The following GPM6A variants were observed in gnomAD, a reference collection of about 807,000 sequenced individuals.
GPM6A encodes neuronal membrane glycoprotein M6-a.
Under a neutral mutation model 32.1 loss-of-function variants are expected in GPM6A, and 7 were observed. The observed-to-expected ratio is 0.22, with a 90% confidence interval of 0.12 to 0.41. The LOEUF is 0.41. Ranked by LOEUF, GPM6A falls within the 10% of genes least tolerant of loss-of-function variation. The pLI, the probability that GPM6A is intolerant of heterozygous loss-of-function variation, is 1.00. For synonymous variants in GPM6A, 130 were observed against 123.4 expected, an observed-to-expected ratio of 1.05 and a Z score of -0.35; for missense variants, 235 against 347.2, an observed-to-expected ratio of 0.68 and a Z score of 2.57.
intron 1 of GPM6A, among the ~76,000 whole-genome samples, chr4:175,779,974 G>A (rs1733551633): frequency 1.3e-5 from 2 of 151,560 alleles, no homozygotes; most frequent in Non-Finnish European, 2.9e-5. Context: ...GTAACTCGGA[G>A]GTAGCAGTAT....
intron 1 of GPM6A, among the ~76,000 whole-genome samples, chr4:175,834,011 C>T (rs1735691194): frequency 6.6e-6 from 1 of 151,998 alleles, no homozygotes; most frequent in Non-Finnish European, 1.5e-5. Context: ...AAAAGTTGGT[C>T]CTATTAGGTT....
intron 1 of GPM6A, among the ~76,000 whole-genome samples, chr4:175,991,071 C>T (rs1579691790): frequency 7.2e-6 from 1 of 138,694 alleles, no homozygotes. Flanking sequence ...CTTTATCTTT[C>T]TTTCTTTTTT....
chr4:175,936,136 T>C (rs1323682870), intron 1 of GPM6A, among the ~76,000 whole-genome samples: 1 of 151,044 alleles, frequency 6.6e-6, no homozygotes, highest in African/African-American at 2.4e-5. Context: ...AAACCCCGTC[T>C]CTACTAAAAA....
At chr4:175,816,347 T>C (rs1735099764), upstream of GPM6A, among the ~76,000 whole-genome samples, 2 of 152,252 alleles carry the variant, frequency 1.3e-5, no homozygotes, top group African/African-American at 4.8e-5. Context: ...AAAACCATTA[T>C]AATTCTCTTT....
rs143100904 is a variant in GPM6A at position 175,680,380 on chromosome 4, T to A, written c.231-6544A>T. Among the ~76,000 whole-genome samples the A allele has an allele frequency of 6.4e-3, 981 of 152,276 alleles. 10 individuals are homozygous for A. Among genetic ancestry groups the A allele is most frequent in the African/African-American group, 0.022 (899 of 41,550 alleles). ...TAATTCCATAATAAATCTAAAATTATTTCAGAATTACTTATTCACCTCATT... is the reference window on the plus strand; with the variant it reads ...TAATTCCATAATAAATCTAAAATTAATTCAGAATTACTTATTCACCTCATT... On this transcript the variant is annotated intron_variant, in intron 2 of 6. Coordinates refer to ENST00000393658, the MANE Select transcript of GPM6A (RefSeq NM_201591.3).
chr4:175,826,365 G>A (rs1051028146), intron 1 of GPM6A, among the ~76,000 whole-genome samples: 6 of 151,284 alleles, frequency 4.0e-5, no homozygotes, highest in Non-Finnish European at 8.8e-5. Context: ...CGTGAATTAG[G>A]GACAAGATTG....
At chr4:175,778,627 C>CGAAAAAAAAAA (rs1733489838) in intron 1 of GPM6A, among the ~76,000 whole-genome samples, 1 of 75,202 alleles carries the variant, frequency 1.3e-5, no homozygotes, top group Non-Finnish European at 2.4e-5. Context: ...CTGTATCCAA[C>CGAAAAAAAAAA]AAAAAAAAAA....
chr4:175,806,908 G>A (rs535378426), intron 1 of GPM6A: 10 of 152,302 alleles, frequency 6.6e-5, no homozygotes, highest in Admixed American at 6.5e-4. Flanking sequence ...GAGATGATTT[G>A]TGACAGCATT....
intron 1 of GPM6A, among the ~76,000 whole-genome samples, chr4:175,711,940 G>A (rs1471865097): frequency 6.6e-6 from 1 of 151,996 alleles, no homozygotes; most frequent in Admixed American, 6.6e-5. Context: ...ATAAATAGAT[G>A]CTCTAAATAG....
At chr4:176,001,517 C>T (rs1741480166) in intron 1 of GPM6A, among the ~76,000 whole-genome samples, 1 of 152,166 alleles carries the variant, frequency 6.6e-6, no homozygotes, top group African/African-American at 2.4e-5. Flanking sequence ...TTCCTCCCCT[C>T]CGCCACACGC....
intron 1 of GPM6A, among the ~76,000 whole-genome samples, chr4:175,763,410 T>C (rs1259982902): frequency 6.6e-6 from 1 of 152,216 alleles, no homozygotes; most frequent in Non-Finnish European, 1.5e-5. Context: ...AAGTATTTTG[T>C]CTTTTAATGG....
At chr4:175,916,193 C>T (rs765988364) in intron 1 of GPM6A, among the ~76,000 whole-genome samples, 4 of 152,190 alleles carry the variant, frequency 2.6e-5, no homozygotes, top group East Asian at 1.9e-4. Flanking sequence ...CTCCCTTTCC[C>T]GCATGCCACT....
intron 1 of GPM6A, among the ~76,000 whole-genome samples, chr4:175,992,729 C>T (rs1425430788): frequency 2.6e-5 from 4 of 152,090 alleles, no homozygotes; most frequent in Non-Finnish European, 5.9e-5. Context: ...TTCCTAAATA[C>T]ATGAAGGTAT....
chr4:175,953,030 T>TTAA lies in GPM6A; in HGVS notation c.-23+49278_-23+49279insTTA, dbSNP rs1554004592. On this transcript the variant is annotated intron_variant, in intron 1 of 7. Transcript: ENST00000280187. Reference sequence around the variant, plus strand: ...GGGCGACAGAACAAGACCCTGTTTTTAAAAAAAAAAAAAAAAGGAGAGAAA... The same window carrying TTAA: ...GGGCGACAGAACAAGACCCTGTTTTTTAAAAAAAAAAAAAAAAAAGGAGAGAAA... 8.9e-4 allele frequency among the ~76,000 whole-genome samples: 120 copies of TTAA among 135,412 alleles called. 1 individual carries two copies. The highest frequency in any genetic ancestry group is 3.0e-4 in the Admixed American group (4 of 13,320). 88.8% of individuals were successfully genotyped at this position (135,412 alleles called of 152,430 possible).
chr4:175,798,759 T>A (rs577616958), intron 1 of GPM6A: 10 of 152,326 alleles, frequency 6.6e-5, no homozygotes, highest in African/African-American at 2.2e-4. Flanking sequence ...CGATTCTTTT[T>A]CAGAACAAAT....
intron 4 of GPM6A, among the ~76,000 whole-genome samples, 169 bp downstream of exon 4, chr4:175,651,665 C>T (rs1741815210): frequency 6.6e-6 from 1 of 152,018 alleles, no homozygotes; most frequent in South Asian, 2.1e-4. Context: ...TGACTTTCTA[C>T]TTTAAATTTA....
intron 3 of GPM6A, among the ~76,000 whole-genome samples, chr4:175,658,657 T>C (rs1305457538): frequency 2.0e-5 from 3 of 152,034 alleles, no homozygotes; most frequent in Non-Finnish European, 4.4e-5. Context: ...ATAACGGGAG[T>C]CTATCCACTT....
chr4:175,676,502 G>A (rs1465867549), intron 2 of GPM6A, among the ~76,000 whole-genome samples: 2 of 152,172 alleles, frequency 1.3e-5, no homozygotes, highest in African/African-American at 2.4e-5. Context: ...CAATCCCACC[G>A]CTTCGAGAGG....
chr4:175,869,435 A>G (rs958236296), intron 1 of GPM6A, among the ~76,000 whole-genome samples: 2 of 152,122 alleles, frequency 1.3e-5, no homozygotes, highest in East Asian at 1.9e-4. Context: ...TCACTTACAG[A>G]TATATCACAT....
Sources: allele counts gnomAD v4.1 joint callset (sites outside exome capture counted in the v4.1 genomes callset), GRCh38; gene constraint gnomAD v4.1.1; transcripts MANE v1.5; gene names NCBI Gene and HGNC (gene_info 2026-07-23, HGNC 2026-07-21).